POFUT2: variants seen among roughly 807,000 people sequenced by gnomAD.
POFUT2 encodes the protein GDP-fucose protein O-fucosyltransferase 2.
POFUT2 carries 30 observed loss-of-function variants against 55.0 expected under a neutral mutation model. The observed-to-expected ratio is 0.55, with a 90% confidence interval of 0.41 to 0.74. The LOEUF is 0.74. Ranked by LOEUF, POFUT2 falls within the 30% of genes least tolerant of loss-of-function variation. The pLI is 0.00. For synonymous variants in POFUT2, 267 were observed against 231.1 expected (o/e 1.16, Z -1.41); for missense variants, 524 against 562.6 (o/e 0.93, Z 0.69).
chr21:45,266,761 G>A, intron 8 of POFUT2: 1 of 997,380 alleles, frequency 1.0e-6, no homozygotes, highest in Non-Finnish European at 1.2e-6. Context: ...CACCGGCTCA[G>A]GGCGCTCAGC....
chr21:45,273,016 G>T (rs1161971676), intron 6 of POFUT2, among the ~76,000 whole-genome samples: 1 of 151,840 alleles, frequency 6.6e-6, no homozygotes, highest in Non-Finnish European at 1.5e-5. Context: ...CCCAAACCCA[G>T]CAGAAGAAAA....
rs548472800 is a variant in POFUT2, at chr21:45,281,031, T to G, written c.638+1318A>C. The stretch of plus-strand genomic sequence containing the variant: ...GCTTTCTGCCCCACGGTGGTGAGGC[T>G]CCTCTCCTGACGGCTTGATAGCTTC... On this transcript the variant is annotated intron_variant, in intron 4 of 8. Coordinates refer to ENST00000349485, the MANE Select transcript of POFUT2 (RefSeq NM_133635.6). The surrounding 1 kb of genome is among the most constrained non-coding windows in gnomAD (Gnocchi z 5.0). 6.6e-6 allele frequency among the ~76,000 whole-genome samples: 1 copy of G among 152,344 alleles called. No homozygotes were observed. Among genetic ancestry groups the G allele is most frequent in the South Asian group, 2.1e-4 (1 of 4,830 alleles).
Position 45,277,878 on chromosome 21 carries a change from C to A in POFUT2, c.705+225G>T. On this transcript the variant is annotated intron_variant, in intron 5 of 8. Coordinates refer to ENST00000349485, the MANE Select transcript of POFUT2 (RefSeq NM_133635.6). This position sits in a 1 kb window ranked among gnomAD's most constrained non-coding sequence, Gnocchi z 6.9. The stretch of plus-strand genomic sequence containing the variant: ...CCACCGCATTCAGGGCCTGTGGCAT[C>A]AGAGGGGAGAGCTGGGTGGCCCTGC... 1.7e-6 allele frequency: 1 copy of A among 590,522 alleles called. No homozygotes were observed. Among genetic ancestry groups the A allele is most frequent in the African/African-American group, 1.9e-5 (1 of 53,646 alleles). The allele number at this position is 590,522 out of a possible 1,614,324, so 36.6% of individuals were successfully genotyped here. A position where few individuals can be genotyped will look rare whatever the true frequency, so the allele number is the denominator to read the frequency against.
At chr21:45,279,581 C>G (rs150380323) in intron 4 of POFUT2, among the ~76,000 whole-genome samples, 2 of 152,200 alleles carry the variant, frequency 1.3e-5, no homozygotes, top group Non-Finnish European at 2.9e-5. Flanking sequence ...TGGATCCACA[C>G]AGATGGAAGC....
chr21:45,266,923 G>A (rs1569215013), intron 8 of POFUT2: 1 of 1,023,196 alleles, frequency 9.8e-7, no homozygotes, highest in Non-Finnish European at 1.2e-6. Flanking sequence ...TATGCAGATG[G>A]GCAGGCAGGT....
At position 45,285,652 on chromosome 21, in the gene POFUT2, C is replaced by T. The variant is rs776727707; in HGVS notation, c.382+26G>A. ...CCTGGCCCCAGTTAAGCAACCACGGCCTCCCAGCGTGCCGCTCGGCCTCAC... is the reference window on the plus strand; with the variant it reads ...CCTGGCCCCAGTTAAGCAACCACGGTCTCCCAGCGTGCCGCTCGGCCTCAC... On this transcript the variant is annotated intron_variant, in intron 2 of 8. Transcript: ENST00000349485. This position sits in a 1 kb window ranked among gnomAD's most constrained non-coding sequence, Gnocchi z 4.9. 24 of 1,613,136 alleles carry T rather than the reference C, an allele frequency of 1.5e-5. No individual in the cohort carries two copies. The Admixed American group carries it at 2.7e-4, about 18-fold the overall frequency.
intron 6 of POFUT2, among the ~76,000 whole-genome samples, chr21:45,276,777 T>G (rs976972503): frequency 1.6e-4 from 25 of 152,114 alleles, no homozygotes; most frequent in Admixed American, 1.3e-4. Flanking sequence ...TGACTGCCCG[T>G]GTTACTAAAG....
In POFUT2 at chr21:45,283,205, G is replaced by A. The variant is rs113881719; in HGVS notation, c.527+178C>T. 3.4e-3 allele frequency: 1,479 copies of A among 432,144 alleles called. 28 individuals carry two copies. Among genetic ancestry groups the A allele is most frequent in the African/African-American group, 0.029 (1,351 of 46,108 alleles). The allele number at this position is 432,144 out of a possible 1,614,324, so 26.8% of individuals were successfully genotyped here. On this transcript the variant is annotated intron_variant, in intron 3 of 8. Coordinates refer to ENST00000349485, the MANE Select transcript of POFUT2 (RefSeq NM_133635.6). ...GCGGGGGAGGCGGTTGCGGCCGGGGGGAGTGGGGGGTGAAGACACCGTGGC... is the reference window on the plus strand; with the variant it reads ...GCGGGGGAGGCGGTTGCGGCCGGGGAGAGTGGGGGGTGAAGACACCGTGGC...
chr21:45,276,563 A>G (rs1184674299), intron 6 of POFUT2, among the ~76,000 whole-genome samples: 1 of 152,246 alleles, frequency 6.6e-6, no homozygotes, highest in East Asian at 1.9e-4. Context: ...AATATATACA[A>G]AGAATAAGAA....
At chr21:45,269,559 TG>T (rs1453469407) in intron 7 of POFUT2, among the ~76,000 whole-genome samples, 2 of 152,142 alleles carry the variant, frequency 1.3e-5, no homozygotes, top group African/African-American at 4.8e-5. Context: ...CGGTACAAGA[TG>T]TGCTTTGTTA....
At chr21:45,287,711 C>G (rs2031631723) in intron 1 of POFUT2, 30 bp downstream of exon 1, 1 of 1,411,736 alleles carries the variant, frequency 7.1e-7, no homozygotes, top group Non-Finnish European at 9.3e-7. Context: ...TCCTGGAACC[C>G]CAGCGTTGGC....
At position 45,265,741 on chromosome 21, in the gene POFUT2, T is replaced by A; in HGVS notation, c.1137-106A>T. 2 of 1,498,020 alleles carry A rather than the reference T, an allele frequency of 1.3e-6. No homozygotes were observed. The highest frequency in any genetic ancestry group is 1.8e-6 in the Non-Finnish European group (2 of 1,128,824). 92.8% of individuals were successfully genotyped at this position (1,498,020 alleles called of 1,614,324 possible). A position where few individuals can be genotyped will look rare whatever the true frequency, so the allele number is the denominator to read the frequency against. On this transcript the variant is annotated intron_variant, in intron 8 of 8. Transcript: ENST00000349485. This position sits in a 1 kb window ranked among gnomAD's most constrained non-coding sequence, Gnocchi z 4.6. ...CAGCTGAGTGAAATGAGTTCCACAG[T>A]TACATGGAACCAACACGGCCGTCCC...
intron 3 of POFUT2, 127 bp downstream of exon 3, chr21:45,283,227 TGGCGGGGGGAGGCGGGGTGCTGCAGGGGG>T: frequency 2.7e-6 from 1 of 375,842 alleles, no homozygotes; most frequent in Non-Finnish European, 4.8e-6. Context: ...GAAGACACCG[TGGCGGGGGGAGGCGGGGTGCTGCAGGGGG>T]GGCGGGGGGC....
In POFUT2 at chr21:45,270,183, C is replaced by T. The variant is rs1044485169; in HGVS notation, c.832-164G>A. 2.1e-5 allele frequency: 9 copies of T among 420,300 alleles called. No individual in the cohort carries two copies. Among genetic ancestry groups the T allele is most frequent in the South Asian group, 9.1e-5 (1 of 10,958 alleles). 26.0% of individuals were successfully genotyped at this position (420,300 alleles called of 1,614,324 possible). A position where few individuals can be genotyped will look rare whatever the true frequency, so the allele number is the denominator to read the frequency against. On this transcript the variant is annotated intron_variant, in intron 6 of 8. Transcript: ENST00000349485. This position sits in a 1 kb window ranked among gnomAD's most constrained non-coding sequence, Gnocchi z 4.6. ...AGGGATTCAGGTGGAATCTCGGGGG[C>T]GACCAGATGTCTTTCTAAGAAGACA...
chr21:45,266,116 G>T, intron 8 of POFUT2: 1 of 1,358,624 alleles, frequency 7.4e-7, no homozygotes. Flanking sequence ...CGCTGTATGG[G>T]CTGGTGGGGA....
At chr21:45,266,287 G>A in intron 8 of POFUT2, 2 of 1,366,922 alleles carry the variant, frequency 1.5e-6, no homozygotes, top group South Asian at 1.1e-5. Context: ...GCACAGCGCT[G>A]TACACAGAGC....
At position 45,285,660 on chromosome 21, in the gene POFUT2, C is replaced by T. The variant is rs764959091; in HGVS notation, c.382+18G>A. On this transcript the variant is annotated intron_variant, in intron 2 of 8. Transcript: ENST00000349485. This position sits in a 1 kb window ranked among gnomAD's most constrained non-coding sequence, Gnocchi z 4.9. ...CAGTTAAGCAACCACGGCCTCCCAG[C>T]GTGCCGCTCGGCCTCACCTGCGATG... is the stretch of plus-strand genomic sequence containing the variant. 2.0e-5 allele frequency: 32 copies of T among 1,613,354 alleles called. No individual in the cohort carries two copies. Among genetic ancestry groups the T allele is most frequent in the South Asian group, 4.4e-5 (4 of 90,962 alleles).
Position 45,270,135 on chromosome 21 carries a change from C to T in POFUT2, c.832-116G>A, listed in dbSNP as rs1053794272. On this transcript the variant is annotated intron_variant, in intron 6 of 8. Transcript: ENST00000349485. This position sits in a 1 kb window ranked among gnomAD's most constrained non-coding sequence, Gnocchi z 4.6. ...GACCCTTTCCATGTGGCCTCCTCCA[C>T]GGGGTGGCTCCAGGGCTGTCTAAGG... 3.2e-5 allele frequency: 23 copies of T among 728,844 alleles called. No individual in the cohort carries two copies. The highest frequency in any genetic ancestry group is 5.6e-5 in the South Asian group (2 of 35,962). The allele number at this position is 728,844 out of a possible 1,614,324, so 45.1% of individuals were successfully genotyped here. A position where few individuals can be genotyped will look rare whatever the true frequency, so the allele number is the denominator to read the frequency against.
chr21:45,279,726 A>C (rs901265608), intron 4 of POFUT2, among the ~76,000 whole-genome samples: 5 of 152,156 alleles, frequency 3.3e-5, no homozygotes, highest in African/African-American at 1.2e-4. Flanking sequence ...GGTTCACACA[A>C]AGACTCTTCT....
Sources: allele counts gnomAD v4.1 joint callset (sites outside exome capture counted in the v4.1 genomes callset), GRCh38; gene constraint gnomAD v4.1.1; non-coding constraint Gnocchi (gnomAD v3.1); transcripts MANE v1.5; gene names NCBI Gene and HGNC (gene_info 2026-07-23, HGNC 2026-07-21).